Variants in GRIK2 observed in about 807,000 individuals in gnomAD.
The protein encoded by GRIK2 is glutamate receptor ionotropic, kainate 2.
GRIK2 carries 32 observed loss-of-function variants against 100.3 expected under a neutral mutation model. The observed-to-expected ratio is 0.32, with a 90% CI of 0.24 to 0.43. The LOEUF (loss-of-function observed/expected upper bound fraction) is 0.43, where lower values mean the gene tolerates loss of function less well. GRIK2 is among the 20% of genes least tolerant of loss of function. The probability of loss-of-function intolerance (pLI) is 1.00; values close to 1 mark genes in which losing one functional copy is unlikely to be tolerated. For missense variants in GRIK2, 843 were observed against 1,114.9 expected (o/e 0.76, Z 3.47); for synonymous variants, 417 against 389.4 (o/e 1.07, Z -0.83).
chr6:102,060,825 TATC>T (rs1771711740), intron 16 of GRIK2, among the ~76,000 whole-genome samples: 1 of 150,680 alleles, frequency 6.6e-6, no homozygotes. Flanking sequence ...TATATAATAA[TATC>T]ATATTACTTT....
intron 14 of GRIK2, among the ~76,000 whole-genome samples, chr6:101,955,193 T>C (rs1791839318): frequency 6.6e-6 from 1 of 152,114 alleles, no homozygotes; most frequent in Non-Finnish European, 1.5e-5. Context: ...GGTTTTGATA[T>C]CAGGTTGACA....
intron 7 of GRIK2, among the ~76,000 whole-genome samples, chr6:101,791,286 T>C (rs1010247273): frequency 1.3e-5 from 2 of 152,216 alleles, no homozygotes; most frequent in African/African-American, 4.8e-5. Flanking sequence ...TCTGGTTCTT[T>C]TAATTGTGAT....
At chr6:101,424,887 G>T (rs1354965774) in intron 2 of GRIK2, among the ~76,000 whole-genome samples, 1 of 152,134 alleles carries the variant, frequency 6.6e-6, no homozygotes, top group Non-Finnish European at 1.5e-5. Flanking sequence ...CCCTACAAAG[G>T]ACACGAACTC....
intron 2 of GRIK2, among the ~76,000 whole-genome samples, chr6:101,446,569 A>C (rs1770392449): frequency 6.6e-6 from 1 of 151,884 alleles, no homozygotes; most frequent in Non-Finnish European, 1.5e-5. Flanking sequence ...AAAGAGCTTG[A>C]TTACATCAGA....
At chr6:101,849,813 G>GTTTTTTTTT (rs36010543) in intron 10 of GRIK2, among the ~76,000 whole-genome samples, 4 of 53,870 alleles carry the variant, frequency 7.4e-5, no homozygotes, top group African/African-American at 1.3e-4. Context: ...AAAAAGGAGG[G>GTTTTTTTTT]TTTTTTTTTT....
chr6:101,920,522 C>T (rs1231531205), intron 12 of GRIK2, among the ~76,000 whole-genome samples: 1 of 151,824 alleles, frequency 6.6e-6, no homozygotes, highest in African/African-American at 2.4e-5. Flanking sequence ...ACTACTAAAA[C>T]CCAAGGAGGA....
At chr6:101,458,222 A>T (rs1270008417) in intron 2 of GRIK2, among the ~76,000 whole-genome samples, 1 of 151,982 alleles carries the variant, frequency 6.6e-6, no homozygotes, top group Admixed American at 6.5e-5. Flanking sequence ...TTTCCAGAAA[A>T]ATCCTCACAT....
Position 101,819,558 on chromosome 6 carries a change from G to A in GRIK2, c.1317+1075G>A, listed in dbSNP as rs564757686. On this transcript the variant is annotated intron_variant, in intron 10 of 16. Coordinates refer to ENST00000369134, the MANE Select transcript of GRIK2 (RefSeq NM_021956.5). ...CTCGCTCTCTCTGTCACATCCAAAC[G>A]TCTAAGACACCCTTTTACTTAATTT... 5.2e-4 allele frequency among the ~76,000 whole-genome samples: 79 copies of A among 152,128 alleles called. No homozygotes were observed. The South Asian group carries it at 0.016, about 31-fold the overall frequency.
chr6:102,035,523 C>T lies in GRIK2; in HGVS notation c.2268C>T (p.Gly756=), dbSNP rs758586743. ...GGAACTGTAACCTGACACAGATTGG[C>T]GGCCTTATAGACTCTAAAGGTTATG... ...TQRNCNLTQI[G]GLIDSKGYGV... The change falls in exon 15 of 17, where the codon GGC becomes GGT. Residue 756 remains glycine (G), a synonymous_variant. Transcript: ENST00000369134. 20 of 1,608,756 alleles carry T rather than the reference C, an allele frequency of 1.2e-5. No homozygotes were observed. Among genetic ancestry groups the T allele is most frequent in the East Asian group, 1.1e-4 (5 of 44,770 alleles).
chr6:101,559,149 T>G (rs771735224), intron 2 of GRIK2, among the ~76,000 whole-genome samples: 26 of 152,146 alleles, frequency 1.7e-4, no homozygotes, highest in Non-Finnish European at 3.5e-4. Flanking sequence ...TTTGTCAGAA[T>G]TAGTATTTAA....
chr6:101,464,540 CA>C, intron 2 of GRIK2, among the ~76,000 whole-genome samples: 1 of 89,678 alleles, frequency 1.1e-5, no homozygotes, highest in African/African-American at 4.2e-5. Context: ...TTTTTTGAGA[CA>C]GAGTCTCACT....
At chr6:101,503,297 A>G (rs1773860221) in intron 2 of GRIK2, among the ~76,000 whole-genome samples, 2 of 152,222 alleles carry the variant, frequency 1.3e-5, no homozygotes, top group Admixed American at 6.5e-5. Flanking sequence ...ATTGATGAGC[A>G]GGAGGTGAGA....
chr6:101,443,213 A>C (rs559373003), intron 2 of GRIK2, among the ~76,000 whole-genome samples: 1 of 152,288 alleles, frequency 6.6e-6, no homozygotes, highest in South Asian at 2.1e-4. Context: ...GCTAATAAAC[A>C]TCCTATGTAT....
At chr6:101,911,731 T>G (rs998986526) in intron 12 of GRIK2, among the ~76,000 whole-genome samples, 4 of 151,468 alleles carry the variant, frequency 2.6e-5, no homozygotes, top group African/African-American at 9.7e-5. Context: ...AAAACAACAT[T>G]CAAAGAGTAA....
intron 4 of GRIK2, among the ~76,000 whole-genome samples, chr6:101,660,897 A>G (rs1220104272): frequency 3.9e-5 from 6 of 152,044 alleles, no homozygotes; most frequent in African/African-American, 1.4e-4. Context: ...GCTCTCCTGT[A>G]TGAGGTGTCT....
Position 101,760,364 on chromosome 6 carries a change from T to G in GRIK2, c.952-39284T>G, listed in dbSNP as rs182179889. 3.9e-3 allele frequency among the ~76,000 whole-genome samples: 323 copies of G among 83,310 alleles called. 38 individuals are homozygous for G. The highest frequency in any genetic ancestry group is 0.019 in the African/African-American group (299 of 15,346). 54.7% of individuals were successfully genotyped at this position (83,310 alleles called of 152,430 possible). A position where few individuals can be genotyped will look rare whatever the true frequency, so the allele number is the denominator to read the frequency against. ...ATTATATATAATTAATTATATTTAA[T>G]TATATATTTATTATATATAATTAAT... On this transcript the variant is annotated intron_variant, in intron 7 of 16. Transcript: ENST00000369134.
At chr6:101,944,329 C>T (rs1191436032) in intron 14 of GRIK2, among the ~76,000 whole-genome samples, 2 of 152,142 alleles carry the variant, frequency 1.3e-5, no homozygotes, top group Admixed American at 1.3e-4. Context: ...TACTATATGA[C>T]ACTGAAATTA....
chr6:101,849,813 GTTTTTTTTT>G (rs36010543), intron 10 of GRIK2, among the ~76,000 whole-genome samples: 2 of 53,892 alleles, frequency 3.7e-5, no homozygotes, highest in South Asian at 8.7e-4. Context: ...AAAAAGGAGG[GTTTTTTTTT>G]TTTTTTTTTT....
At chr6:102,012,035 TA>T (rs1269919869) in intron 14 of GRIK2, among the ~76,000 whole-genome samples, 2 of 152,230 alleles carry the variant, frequency 1.3e-5, no homozygotes, top group East Asian at 3.8e-4. Context: ...CATTTTGTAT[TA>T]TTTTTTGTGA....
Sources: allele counts gnomAD v4.1 joint callset (sites outside exome capture counted in the v4.1 genomes callset), GRCh38; gene constraint gnomAD v4.1.1; transcripts MANE v1.5; gene names NCBI Gene and HGNC (gene_info 2026-07-23, HGNC 2026-07-21).